CGNL1: variants seen among roughly 807,000 people sequenced by gnomAD.
CGNL1 encodes cingulin-like protein 1.
Under a neutral mutation model 141.2 loss-of-function variants are expected in CGNL1, and 132 were observed. The observed-to-expected ratio is 0.93, with a 90% confidence interval of 0.81 to 1.08. CGNL1 has a LOEUF of 1.08. Ranked by LOEUF, CGNL1 falls within the 50% of genes least tolerant of loss-of-function variation. The pLI is 0.00. For missense variants in CGNL1, 1,870 were observed against 1,588.6 expected, an observed-to-expected ratio of 1.18 and a Z score of -3.01; for synonymous variants, 690 against 622.1, an observed-to-expected ratio of 1.11 and a Z score of -1.63.
chr15:57,509,764 T>G (rs2030075091), intron 8 of CGNL1, among the ~76,000 whole-genome samples: 1 of 152,238 alleles, frequency 6.6e-6, no homozygotes, highest in East Asian at 1.9e-4. Context: ...TTGTTATATT[T>G]CTTTTTTCCT....
In CGNL1 at chr15:57,461,669, C is replaced by A. The variant is rs1511951; in HGVS notation, c.2191-11C>A. On this transcript the variant is annotated splice_polypyrimidine_tract_variant and intron_variant, in intron 7 of 18. Coordinates refer to ENST00000281282, the MANE Select transcript of CGNL1 (RefSeq NM_032866.5). ...ATTGTCACCTTCTCCCTTCGTGTTT[C>A]CTCTCTCTAGGAGCTCTTACAGGCA... The A allele has an allele frequency of 0.17, 279,740 of 1,611,124 alleles. 25,038 individuals carry two copies. Among genetic ancestry groups the A allele is most frequent in the Non-Finnish European group, 0.18 (210,560 of 1,177,560 alleles).
intron 1 of CGNL1, chr15:57,397,139 A>C (rs2062611717): frequency 6.6e-6 from 1 of 152,230 alleles, no homozygotes; most frequent in Non-Finnish European, 1.5e-5. Flanking sequence ...GGGGGATGAA[A>C]ATAGAGTCAT....
chr15:57,515,566 T>G (rs1386908741), intron 8 of CGNL1, among the ~76,000 whole-genome samples: 1 of 152,184 alleles, frequency 6.6e-6, no homozygotes, highest in Non-Finnish European at 1.5e-5. Context: ...TATTGGCATC[T>G]TTGTAGTAGT....
intron 8 of CGNL1, among the ~76,000 whole-genome samples, chr15:57,515,603 C>T (rs16977558): frequency 0.13 from 19,080 of 152,150 alleles, 1,831 homozygotes; most frequent in East Asian, 0.45. Flanking sequence ...GGTAAGAGAT[C>T]TGCCTGGAGA....
At position 57,546,181 on chromosome 15, in the gene CGNL1, C is replaced by G. The variant is rs1265687002; in HGVS notation, c.3715C>G (p.Gln1239Glu). The change falls in exon 18 of 19, where the codon CAG becomes GAG. Residue 1239 changes from glutamine (Q) to glutamate (E), a missense_variant. By Grantham distance (29) the Gln-to-Glu change is conservative. Transcript: ENST00000281282. ...KKKLQRELEE[Q>E]MDMNEHLQGQ... ...GAAGCTGCAGAGGGAGCTGGAGGAGCAGATGGACATGAATGAGCATCTGCA... is the reference window on the plus strand; with the variant it reads ...GAAGCTGCAGAGGGAGCTGGAGGAGGAGATGGACATGAATGAGCATCTGCA... 2 of 1,609,286 alleles carry G rather than the reference C, an allele frequency of 1.2e-6. No individual in the cohort carries two copies. Among genetic ancestry groups the G allele is most frequent in the South Asian group, 1.1e-5 (1 of 90,058 alleles).
chr15:57,434,499 A>C (rs1297492130), intron 1 of CGNL1, among the ~76,000 whole-genome samples: 2 of 152,160 alleles, frequency 1.3e-5, no homozygotes, highest in African/African-American at 2.4e-5. Flanking sequence ...TGAATTTCCA[A>C]ATTGAAAGAA....
intron 8 of CGNL1, among the ~76,000 whole-genome samples, chr15:57,500,891 C>T (rs1426205309): frequency 6.6e-6 from 1 of 152,172 alleles, no homozygotes; most frequent in Non-Finnish European, 1.5e-5. Context: ...GGAATTTTCT[C>T]ACAGAGACAT....
chr15:57,528,469 C>T (rs1595800394), intron 12 of CGNL1, among the ~76,000 whole-genome samples, 185 bp from the exon 13 acceptor site: 1 of 152,204 alleles, frequency 6.6e-6, no homozygotes, highest in South Asian at 2.1e-4. Context: ...GGAAAACCTC[C>T]TCTTTTTACA....
intron 1 of CGNL1, chr15:57,377,306 A>G (rs1218602303): frequency 2.0e-5 from 3 of 152,224 alleles, no homozygotes; most frequent in Non-Finnish European, 2.9e-5. Flanking sequence ...CTCGCTGGGA[A>G]TGCTTTTGCG....
At chr15:57,474,299 A>T (rs1291257302) in intron 8 of CGNL1, among the ~76,000 whole-genome samples, 2 of 152,114 alleles carry the variant, frequency 1.3e-5, no homozygotes, top group African/African-American at 2.4e-5. Context: ...ACAATTTGTT[A>T]TGCGGGAATA....
intron 1 of CGNL1, among the ~76,000 whole-genome samples, chr15:57,409,851 A>G (rs573313744): frequency 3.3e-5 from 5 of 152,332 alleles, no homozygotes; most frequent in Admixed American, 6.5e-5. Flanking sequence ...TAAGTCCAAT[A>G]AAACCACTGC....
At chr15:57,503,605 GT>G (rs1368092638) in intron 8 of CGNL1, among the ~76,000 whole-genome samples, 8 of 152,138 alleles carry the variant, frequency 5.3e-5, no homozygotes, top group Admixed American at 6.5e-5. Flanking sequence ...GAAGGGGTGT[GT>G]TATTAATCCA....
chr15:57,492,243 G>T (rs1373499663), intron 8 of CGNL1, among the ~76,000 whole-genome samples: 3 of 152,158 alleles, frequency 2.0e-5, no homozygotes, highest in Non-Finnish European at 4.4e-5. Context: ...CTTAAGGGAG[G>T]TTAGAGGATC....
At chr15:57,495,539 A>C (rs779699919) in intron 8 of CGNL1, among the ~76,000 whole-genome samples, 1 of 152,200 alleles carries the variant, frequency 6.6e-6, no homozygotes, top group Non-Finnish European at 1.5e-5. Flanking sequence ...CCTTTGACCT[A>C]GGAACACCAT....
intron 8 of CGNL1, among the ~76,000 whole-genome samples, chr15:57,469,362 A>G (rs1595737108): frequency 6.6e-6 from 1 of 150,816 alleles, no homozygotes; most frequent in Admixed American, 6.6e-5. Context: ...GGGCTGCCCT[A>G]TCCATCTGGG....
At chr15:57,391,721 G>A (rs1214702230) in intron 1 of CGNL1, among the ~76,000 whole-genome samples, 1 of 152,174 alleles carries the variant, frequency 6.6e-6, no homozygotes, top group Non-Finnish European at 1.5e-5. Flanking sequence ...GGCTGTTGGG[G>A]GAGTTAGTTT....
chr15:57,434,435 A>G (rs1221472776), intron 1 of CGNL1, among the ~76,000 whole-genome samples: 3 of 152,214 alleles, frequency 2.0e-5, no homozygotes, highest in Non-Finnish European at 4.4e-5. Flanking sequence ...ATAAAATAGT[A>G]ATCTGAACAT....
intron 8 of CGNL1, among the ~76,000 whole-genome samples, chr15:57,485,474 C>A (rs2063774442): frequency 2.0e-5 from 3 of 152,146 alleles, no homozygotes; most frequent in Non-Finnish European, 4.4e-5. Flanking sequence ...GACAAGTTAT[C>A]TTTATTCACA....
intron 8 of CGNL1, among the ~76,000 whole-genome samples, chr15:57,499,206 A>C (rs2063985640): frequency 6.7e-6 from 1 of 150,268 alleles, no homozygotes. Flanking sequence ...GAACTGAGAT[A>C]AACTTGGGAA....
Sources: gnomAD v4.1 joint callset for allele counts (sites outside exome capture counted in the v4.1 genomes callset) on GRCh38, gnomAD v4.1.1 for gene constraint, MANE v1.5 for transcripts, NCBI Gene and HGNC (gene_info 2026-07-23, HGNC 2026-07-21) for gene names.